NEB: variants seen among roughly 807,000 people sequenced by gnomAD.
The protein encoded by NEB is nemaline myopathy type 2.
A neutral mutation model predicts 952.2 loss-of-function variants in NEB; 512 were observed. The observed-to-expected ratio is 0.54, with a 90% CI of 0.50 to 0.58. The LOEUF is 0.58. Ranked by LOEUF, NEB falls within the 20% of genes least tolerant of loss-of-function variation. NEB has a pLI of 0.00. For missense variants in NEB, 8,428 were observed against 9,231.1 expected, an observed-to-expected ratio of 0.91 and a Z score of 3.56; for synonymous variants, 2,900 against 3,149.8, an observed-to-expected ratio of 0.92 and a Z score of 2.66.
intron 31 of NEB, 31 bp from the exon 32 acceptor site, chr2:151,679,859 T>C (rs769513403): frequency 6.2e-7 from 1 of 1,609,580 alleles, no homozygotes; most frequent in African/African-American, 1.3e-5. Flanking sequence ...AAGTACAACT[T>C]AGAGACTGTG....
chr2:151,497,799 C>T (rs775873186), intron 170 of NEB, 81 bp from the exon 171 acceptor site: 1 of 1,539,472 alleles, frequency 6.5e-7, no homozygotes, highest in Non-Finnish European at 8.7e-7. Flanking sequence ...GAGGAAAAAA[C>T]ACAGTCATCC....
intron 161 of NEB, 37 bp downstream of exon 161, chr2:151,512,696 T>G: frequency 7.3e-7 from 1 of 1,365,634 alleles, no homozygotes. Flanking sequence ...CTTTCATGAT[T>G]GGGGTTTATG....
Position 151,527,555 on chromosome 2 carries a change from T to C in NEB, c.21766A>G (p.Lys7256Glu). Residue 7256 changes from lysine to glutamate, a missense_variant, in exon 147 of 182, where the codon AAA becomes GAA. Coordinates refer to ENST00000397345, the MANE Select transcript of NEB (RefSeq NM_001164508.2). ...TCAGGAGTCCACTTCCAGTGGGCTT[T>C]GTTGGCTTCGTACTGTTTCTTATAG... ...LDYKKQYEAN[K>E]AHWKWTPDRP... The C allele has an allele frequency of 6.2e-7, 1 of 1,613,196 alleles. No homozygotes were observed.
chr2:151,610,244 T>C (rs1197542663), intron 80 of NEB, 124 bp from the exon 81 acceptor site: 5 of 826,254 alleles, frequency 6.1e-6, no homozygotes, highest in Non-Finnish European at 7.4e-6. Flanking sequence ...CTCTGAACTA[T>C]TATATTTAAA....
intron 64 of NEB, among the ~76,000 whole-genome samples, chr2:151,635,726 A>AT (rs57165100): frequency 6.6e-6 from 1 of 151,352 alleles, no homozygotes; most frequent in Non-Finnish European, 1.5e-5. Flanking sequence ...AAAAAAAAAA[A>AT]GAGTGTAACC....
Position 151,614,282 on chromosome 2 carries a change from C to T in NEB, c.11595G>A (p.Gln3865=). The change falls in exon 77 of 182, where the codon CAG becomes CAA. Residue 3865 remains glutamine (Q), a synonymous_variant. Coordinates refer to ENST00000397345, the MANE Select transcript of NEB (RefSeq NM_001164508.2). ...VIQARKAYDL[Q]SDAIYKSDLE... ...GAATATTAGAGCCACTCACATCACTCTGCAGGTCATAGGCCTTCCGAGCCT... is the reference window on the plus strand; with the variant it reads ...GAATATTAGAGCCACTCACATCACTTTGCAGGTCATAGGCCTTCCGAGCCT... The T allele has an allele frequency of 6.2e-7, 1 of 1,613,314 alleles. No homozygotes were observed. The highest frequency in any genetic ancestry group is 8.5e-7 in the Non-Finnish European group (1 of 1,179,316).
rs943866392 is a variant in NEB at position 151,505,534 on chromosome 2, T to C, written c.23686A>G (p.Ile7896Val). 13 of 1,613,710 alleles carry C rather than the reference T, an allele frequency of 8.1e-6. No homozygotes were observed. The African/African-American group carries it at 1.7e-4, about 22-fold the overall frequency. Reference sequence around the variant, plus strand: ...CGTTTCACTTCAGGCAGGTCAGGGATTGGAGTTCCTTGTCCTATTGCTTCC... The same window carrying C: ...CGTTTCACTTCAGGCAGGTCAGGGACTGGAGTTCCTTGTCCTATTGCTTCC... ...YKEAIGQGTPIPDLPEVKRVK... is the reference protein window; with the variant it reads ...YKEAIGQGTPVPDLPEVKRVK... Residue 7896 changes from isoleucine (I) to valine (V), a missense_variant, in exon 165 of 182, where the codon ATC becomes GTC. Ile to Val is a conservative substitution (Grantham distance 29). This residue lies in a region of NEB where 3,374 missense variants were observed against 3,651.5 expected (regional missense o/e 0.92). Coordinates refer to ENST00000397345, the MANE Select transcript of NEB (RefSeq NM_001164508.2).
chr2:151,513,975 G>T (rs147769181), intron 159 of NEB, among the ~76,000 whole-genome samples: 2 of 152,144 alleles, frequency 1.3e-5, no homozygotes, highest in Non-Finnish European at 2.9e-5. Flanking sequence ...AAAGTAAATT[G>T]TACATCTAGT....
chr2:151,687,724 T>G lies in NEB; in HGVS notation c.2425A>C (p.Lys809Gln). The part of the protein sequence containing the change: ...NAYNLSDNVY[K>Q]QDWEKSKAKK... ...GCTTTGCTCTTCTCCCAGTCTTGCT[T>G]ATAAACATTCTGGACAAGAAAAATT... Residue 809 changes from lysine to glutamine, a missense_variant, in exon 26 of 182, where the codon AAG becomes CAG. Transcript: ENST00000397345. The G allele has an allele frequency of 6.3e-7, 1 of 1,583,256 alleles. No homozygotes were observed.
chr2:151,723,659 T>C (rs1160495597), intron 8 of NEB, among the ~76,000 whole-genome samples, 173 bp from the exon 9 acceptor site: 1 of 152,044 alleles, frequency 6.6e-6, no homozygotes, highest in African/African-American at 2.4e-5. Flanking sequence ...TCATTTTTAC[T>C]GATAGCATGC....
At chr2:151,542,611 C>G (rs529017806) in intron 135 of NEB, among the ~76,000 whole-genome samples, 1 of 152,084 alleles carries the variant, frequency 6.6e-6, no homozygotes, top group Non-Finnish European at 1.5e-5. Context: ...GTCATGAATC[C>G]TGGGCTCCTC....
chr2:151,622,120 C>T (rs1024357648), intron 71 of NEB, among the ~76,000 whole-genome samples: 15 of 152,158 alleles, frequency 9.9e-5, no homozygotes, highest in African/African-American at 3.6e-4. Flanking sequence ...CGTGCCTCAG[C>T]CACCCGAGTA....
intron 161 of NEB, among the ~76,000 whole-genome samples, chr2:151,511,069 G>A (rs1181614210): frequency 6.6e-6 from 1 of 152,220 alleles, no homozygotes; most frequent in Non-Finnish European, 1.5e-5. Context: ...CAGGAGAGCA[G>A]AGCAAGTGAC....
rs372593815 is a variant in NEB at position 151,678,026 on chromosome 2, C to A, written c.3417G>T (p.Thr1139=). 3.8e-5 allele frequency: 61 copies of A among 1,613,882 alleles called. No individual in the cohort carries two copies. The African/African-American group carries it at 7.2e-4, about 19-fold the overall frequency. Residue 1139 remains threonine, a synonymous_variant, in exon 33 of 182, where the codon ACG becomes ACT. Transcript: ENST00000397345. Reference sequence around the variant, plus strand: ...CCACGACATTGAACATATCATGGGGCGTGTTGTATTTGGACTTTGTCTTCT... The same window carrying A: ...CCACGACATTGAACATATCATGGGGAGTGTTGTATTTGGACTTTGTCTTCT... ...DYEKTKSKYN[T]PHDMFNVVAA...
At chr2:151,560,494 T>C in intron 124 of NEB, 98 bp downstream of exon 124, 1 of 985,940 alleles carries the variant, frequency 1.0e-6, no homozygotes, top group Admixed American at 2.0e-5. Context: ...CTAGGGGTAC[T>C]TCTGGACAAC....
Position 151,576,176 on chromosome 2 carries a change from T to C in NEB, c.16883A>G (p.Lys5628Arg), listed in dbSNP as rs1287019849. 2 of 1,599,596 alleles carry C rather than the reference T, an allele frequency of 1.3e-6. No homozygotes were observed. The highest frequency in any genetic ancestry group is 2.7e-5 in the African/African-American group (2 of 74,754). Residue 5628 changes from lysine to arginine, a missense_variant, in exon 106 of 182, where the codon AAA (lysine) becomes AGA (arginine). Physicochemically the swap from Lys to Arg is conservative, Grantham distance 26. This residue lies in a region of NEB where 3,374 missense variants were observed against 3,651.5 expected (regional missense o/e 0.92). Transcript: ENST00000397345. ...AATACTAATATTTTCAGCATTTGAT[T>C]TAGCAAGGACCACTTCAGGTGTGTC... ...IVDTPEVVLA[K>R]SNAENISIPK... is the part of the protein sequence containing the mutation.
chr2:151,666,429 G>A (rs2099217517), intron 40 of NEB, 28 bp from the exon 41 acceptor site: 1 of 1,600,616 alleles, frequency 6.2e-7, no homozygotes. Flanking sequence ...GCAAACAGAA[G>A]TTGGCTAGCA....
At position 151,697,640 on chromosome 2, in the gene NEB, G is replaced by A. The variant is rs1259297878; in HGVS notation, c.1161C>T (p.Tyr387=). ...CTTTTGTCTTTTCATAGTTTTCCTT[G>A]TATAGTTTCTGTCAAAGAAAAAAAA... ...AAGDALSDKL[Y]KENYEKTKAK... The change falls in exon 14 of 182, where the codon TAC becomes TAT. Residue 387 remains tyrosine, a synonymous_variant. Transcript: ENST00000397345. The A allele has an allele frequency of 6.2e-7, 1 of 1,601,024 alleles. No homozygotes were observed.
rs1304489001 is a variant in NEB, at chr2:151,662,264, T to C, written c.5841A>G (p.Lys1947=). Reference sequence around the variant, plus strand: ...TAATAATCTCCATGGCTTTCTTGTTTTTCTCTGCTTCCAGGGAGCCCAGAG... The same window carrying C: ...TAATAATCTCCATGGCTTTCTTGTTCTTCTCTGCTTCCAGGGAGCCCAGAG... ...WLPLGSLEAE[K]NKKAMEIISE... is the part of the protein sequence containing the mutation. The change falls in exon 46 of 182, where the codon AAA becomes AAG. Residue 1947 remains lysine, a synonymous_variant. Coordinates refer to ENST00000397345, the MANE Select transcript of NEB (RefSeq NM_001164508.2). 2.5e-6 allele frequency: 4 copies of C among 1,613,710 alleles called. No homozygotes were observed. The East Asian group carries it at 8.9e-5, about 36-fold the overall frequency.
Sources: allele counts gnomAD v4.1 joint callset (sites outside exome capture counted in the v4.1 genomes callset), GRCh38; gene constraint gnomAD v4.1.1; regional missense constraint gnomAD v4.1.1; transcripts MANE v1.5; gene names NCBI Gene and HGNC (gene_info 2026-07-23, HGNC 2026-07-21).